AKAP7: variants seen among roughly 807,000 people sequenced by gnomAD.
The protein encoded by AKAP7 is A kinase (PRKA) anchor protein 7.
Under a neutral mutation model 39.5 loss-of-function variants are expected in AKAP7, and 39 were observed. The ratio of observed to expected loss-of-function variants is 0.99; its 90% CI spans 0.76 to 1.29. AKAP7 has a LOEUF of 1.29. AKAP7 is among the 50% of genes most tolerant of loss of function. AKAP7 has a pLI of 0.00. For missense variants in AKAP7, 414 were observed against 407.7 expected, an observed-to-expected ratio of 1.02 and a Z score of -0.13; for synonymous variants, 140 against 139.1, an observed-to-expected ratio of 1.01 and a Z score of -0.05.
chr6:131,250,453 C>G, intron 7 of AKAP7: 1 of 1,566,498 alleles, frequency 6.4e-7, no homozygotes, highest in Admixed American at 1.7e-5. Context: ...GCTGCCTGTG[C>G]TGCTCCGTGG....
intron 7 of AKAP7, among the ~76,000 whole-genome samples, chr6:131,271,857 T>C (rs1219743524): frequency 6.6e-6 from 1 of 152,212 alleles, no homozygotes; most frequent in East Asian, 1.9e-4. Flanking sequence ...AAATGGCAGT[T>C]ACTTTGAAAT....
chr6:131,172,992 G>GC (rs1164426715), intron 5 of AKAP7, among the ~76,000 whole-genome samples: 1 of 151,824 alleles, frequency 6.6e-6, no homozygotes, highest in Admixed American at 6.6e-5. Context: ...GTCAGGAGTG[G>GC]CCAGTACTGG....
intron 5 of AKAP7, among the ~76,000 whole-genome samples, chr6:131,182,442 G>A (rs765732368): frequency 3.3e-5 from 5 of 152,034 alleles, no homozygotes; most frequent in Admixed American, 6.5e-5. Context: ...TTAACATAAC[G>A]TCCTTAAGGT....
chr6:131,260,630 G>T (rs544665109), intron 7 of AKAP7, among the ~76,000 whole-genome samples: 1 of 152,162 alleles, frequency 6.6e-6, no homozygotes, highest in East Asian at 1.9e-4. Flanking sequence ...CATGTCTTTT[G>T]CCCACTTTTT....
At chr6:131,158,432 C>G (rs1379769271) in intron 2 of AKAP7, among the ~76,000 whole-genome samples, 1 of 152,136 alleles carries the variant, frequency 6.6e-6, no homozygotes, top group Non-Finnish European at 1.5e-5. Context: ...TGGTTCTTTC[C>G]TTCCTTTTTC....
intron 7 of AKAP7, among the ~76,000 whole-genome samples, chr6:131,255,178 A>T (rs1812744443): frequency 6.6e-6 from 1 of 152,140 alleles, no homozygotes; most frequent in African/African-American, 2.4e-5. Flanking sequence ...TATCACATGG[A>T]TTTCAAACAC....
chr6:131,186,266 G>C (rs562347449), intron 5 of AKAP7, among the ~76,000 whole-genome samples: 13 of 152,024 alleles, frequency 8.6e-5, no homozygotes, highest in African/African-American at 3.1e-4. Context: ...TCTTATTCCT[G>C]CTCCCACCCT....
At chr6:131,146,386 T>C (rs1801491294) in intron 2 of AKAP7, among the ~76,000 whole-genome samples, 1 of 152,110 alleles carries the variant, frequency 6.6e-6, no homozygotes, top group Non-Finnish European at 1.5e-5. Flanking sequence ...GACGGGAGGA[T>C]AACTTGAGGC....
At chr6:131,145,231 T>G (rs931763135) in intron 1 of AKAP7, 54 bp from the exon 2 acceptor site, 24 of 1,218,174 alleles carry the variant, frequency 2.0e-5, no homozygotes, top group Non-Finnish European at 2.4e-5. Context: ...TAGGATATGT[T>G]TAAATAATGA....
chr6:131,158,546 T>G (rs1802628368), intron 2 of AKAP7, among the ~76,000 whole-genome samples: 1 of 152,168 alleles, frequency 6.6e-6, no homozygotes, highest in African/African-American at 2.4e-5. Flanking sequence ...CTCACTCCAT[T>G]GTCCAGGCTG....
chr6:131,271,723 A>G (rs1184896096), intron 7 of AKAP7, among the ~76,000 whole-genome samples: 1 of 152,168 alleles, frequency 6.6e-6, no homozygotes, highest in Admixed American at 6.6e-5. Context: ...TGGGAAAAGT[A>G]CAGGGAAAAG....
intron 7 of AKAP7, among the ~76,000 whole-genome samples, chr6:131,269,697 C>G (rs1479434043): frequency 1.3e-5 from 2 of 152,174 alleles, no homozygotes; most frequent in East Asian, 1.9e-4. Flanking sequence ...AGTTTGTACT[C>G]TCTGAGCAGA....
intron 7 of AKAP7, among the ~76,000 whole-genome samples, chr6:131,271,574 A>T (rs1457427163): frequency 6.6e-6 from 1 of 152,000 alleles, no homozygotes; most frequent in African/African-American, 2.4e-5. Context: ...TTTTAAAGAG[A>T]TGGAGTCTTG....
chr6:131,230,299 C>T (rs565242992), intron 7 of AKAP7, among the ~76,000 whole-genome samples: 173 of 152,174 alleles, frequency 1.1e-3, no homozygotes, highest in African/African-American at 3.3e-3. Context: ...CTGACTGGTG[C>T]GAGATGATAT....
At chr6:131,184,921 C>T in intron 5 of AKAP7, 1 of 864,310 alleles carries the variant, frequency 1.2e-6, no homozygotes, top group East Asian at 2.4e-5. Context: ...CTTATGGGCA[C>T]TGCCACACCT....
chr6:131,150,318 G>T (rs956956218), intron 2 of AKAP7, among the ~76,000 whole-genome samples: 6 of 152,006 alleles, frequency 3.9e-5, no homozygotes, highest in African/African-American at 1.5e-4. Flanking sequence ...CTAACAAGTT[G>T]TTACATTTAA....
In AKAP7 at chr6:131,135,734, C is replaced by G; in HGVS notation, c.-30C>G. 1.6e-6 allele frequency: 2 copies of G among 1,216,120 alleles called. No individual in the cohort carries two copies. The highest frequency in any genetic ancestry group is 2.0e-6 in the Non-Finnish European group (2 of 979,904). 75.3% of individuals were successfully genotyped at this position (1,216,120 alleles called of 1,614,324 possible). On this transcript the variant is annotated 5_prime_UTR_variant, in exon 1 of 8. Coordinates refer to ENST00000431975, the MANE Select transcript of AKAP7 (RefSeq NM_016377.4). Reference sequence around the variant, plus strand: ...GCCCGCCACCGCCGCTGCCGCCAGCCCAGACGCGCCGCCCGCATGCGCCGC... The same window carrying G: ...GCCCGCCACCGCCGCTGCCGCCAGCGCAGACGCGCCGCCCGCATGCGCCGC...
intron 5 of AKAP7, among the ~76,000 whole-genome samples, chr6:131,192,323 C>G (rs1806493743): frequency 6.6e-6 from 1 of 152,100 alleles, no homozygotes. Flanking sequence ...CCAGTTTTCC[C>G]AGCCCATTTA....
intron 2 of AKAP7, among the ~76,000 whole-genome samples, chr6:131,156,867 C>T (rs1399384819): frequency 3.3e-5 from 5 of 151,864 alleles, no homozygotes; most frequent in African/African-American, 9.7e-5. Flanking sequence ...CTCCGCCTCC[C>T]GGGTTCACGC....
Sources: allele counts gnomAD v4.1 joint callset (sites outside exome capture counted in the v4.1 genomes callset), GRCh38; gene constraint gnomAD v4.1.1; transcripts MANE v1.5; gene names NCBI Gene and HGNC (gene_info 2026-07-23, HGNC 2026-07-21).